Variants in KCNA3 observed in about 807,000 individuals in gnomAD.
KCNA3 encodes the protein RP11-284N8.3.
A neutral mutation model predicts 34.3 loss-of-function variants in KCNA3; 18 were observed. The observed-to-expected ratio is 0.52, with a 90% CI of 0.36 to 0.78. The LOEUF is 0.78. Among genes scored for constraint, KCNA3 ranks in the 30% least tolerant of loss-of-function variants. KCNA3 has a pLI of 0.00. For missense variants in KCNA3, 587 were observed against 802.5 expected (o/e 0.73, Z 3.24); for synonymous variants, 324 against 351.7 (o/e 0.92, Z 0.88).
chr1:110,671,418 A>G (rs1442132987), downstream of KCNA3, among the ~76,000 whole-genome samples: 1 of 152,232 alleles, frequency 6.6e-6, no homozygotes, highest in Non-Finnish European at 1.5e-5. Flanking sequence ...CATGAATGAC[A>G]GTTCCCTGGC....
chr1:110,672,444 CTAAT>C (rs1396246409), downstream of KCNA3: 2 of 151,186 alleles, frequency 1.3e-5, no homozygotes, highest in African/African-American at 4.9e-5. Context: ...AAGAATTAAA[CTAAT>C]TAGTCAGATC....
chr1:110,663,624 T>C, the KCNA3 span, among the ~76,000 whole-genome samples: 6 of 152,220 alleles, frequency 3.9e-5, no homozygotes, highest in Non-Finnish European at 7.3e-5. Flanking sequence ...GGTTACAATA[T>C]TACATAAAAT....
chr1:110,668,483 C>T (rs76433980), downstream of KCNA3, among the ~76,000 whole-genome samples: 505 of 152,068 alleles, frequency 3.3e-3, 1 homozygote, highest in African/African-American at 0.012. Flanking sequence ...GTATATTATA[C>T]GCCAAAAAGG....
chr1:110,666,164 G>A, the KCNA3 span, among the ~76,000 whole-genome samples: 1 of 152,076 alleles, frequency 6.6e-6, no homozygotes, highest in East Asian at 1.9e-4. Context: ...TAAAATCACT[G>A]GTACTTTATC....
chr1:110,661,755 A>G, the KCNA3 span, among the ~76,000 whole-genome samples: 2 of 152,158 alleles, frequency 1.3e-5, no homozygotes, highest in Non-Finnish European at 2.9e-5. Flanking sequence ...CTAATAAAGT[A>G]TAGGTGTGGA....
downstream of KCNA3, among the ~76,000 whole-genome samples, chr1:110,671,082 C>T (rs1355384903): frequency 1.3e-5 from 2 of 152,148 alleles, no homozygotes; most frequent in Non-Finnish European, 2.9e-5. Flanking sequence ...TGTACCACTG[C>T]ATACTATTAA....
rs1167785292 is a variant in KCNA3 at position 110,673,748 on chromosome 1, T to C, written c.1062A>G (p.Gly354=). The stretch of plus-strand genomic sequence containing the variant: ...GGATGGCCAGAGACATGGCCTGCTG[T>C]CCATTGCCCTGTCGTTCGGCCAGCT... The part of the protein sequence containing the change: ...GTELAERQGN[G]QQAMSLAILR... The change falls in exon 1 of 1, where the codon GGA becomes GGG. Residue 354 remains glycine, a synonymous_variant. Transcript: ENST00000369769. This position sits in a 1 kb window ranked among gnomAD's most constrained non-coding sequence, Gnocchi z 8.8. 3.1e-6 allele frequency: 5 copies of C among 1,614,114 alleles called. No homozygotes were observed. In the South Asian group the frequency reaches 4.4e-5, roughly 14 times the overall value.
chr1:110,654,513 T>A, the KCNA3 span: 1 of 152,158 alleles, frequency 6.6e-6, no homozygotes, highest in Non-Finnish European at 1.5e-5. Context: ...AGATTAGAAA[T>A]GTCAGTCAAG....
chr1:110,655,900 T>C, the KCNA3 span: 1 of 152,172 alleles, frequency 6.6e-6, no homozygotes, highest in African/African-American at 2.4e-5. Flanking sequence ...GCAAAAGCTA[T>C]AACCCTTCTT....
downstream of KCNA3, among the ~76,000 whole-genome samples, chr1:110,672,295 T>C (rs532581752): frequency 1.3e-5 from 2 of 152,334 alleles, no homozygotes; most frequent in South Asian, 4.1e-4. Context: ...CTCAGATGCA[T>C]TAGGAAATTT....
At chr1:110,663,114 T>C in the KCNA3 span, among the ~76,000 whole-genome samples, 1 of 152,160 alleles carries the variant, frequency 6.6e-6, no homozygotes, top group Non-Finnish European at 1.5e-5. Flanking sequence ...TAATGGCACA[T>C]AAGGCTGCCT....
At position 110,674,901 on chromosome 1, in the gene KCNA3, C is replaced by A. The variant is rs1409304509; in HGVS notation, c.-92G>T. 2.4e-6 allele frequency: 3 copies of A among 1,265,872 alleles called. No homozygotes were observed. The highest frequency in any genetic ancestry group is 2.0e-6 in the Non-Finnish European group (2 of 1,007,910). The allele number at this position is 1,265,872 out of a possible 1,614,324, so 78.4% of individuals were successfully genotyped here. On this transcript the variant is annotated 5_prime_UTR_variant, in exon 1 of 1. Coordinates refer to ENST00000369769, the MANE Select transcript of KCNA3 (RefSeq NM_002232.5). The surrounding 1 kb of genome is among the most constrained non-coding windows in gnomAD (Gnocchi z 6.4). ...GCCTCCGCCCCCGAGCCGAGCCCACCGCCTGTTGCAGCCAAAGCCGCGATG... is the reference window on the plus strand; with the variant it reads ...GCCTCCGCCCCCGAGCCGAGCCCACAGCCTGTTGCAGCCAAAGCCGCGATG...
At chr1:110,658,110 G>T in the KCNA3 span, among the ~76,000 whole-genome samples, 1 of 152,202 alleles carries the variant, frequency 6.6e-6, no homozygotes, top group East Asian at 1.9e-4. Context: ...CCAGCAGATT[G>T]TGAGACATTC....
Position 110,674,552 on chromosome 1 carries a change from G to A in KCNA3, c.258C>T (p.Tyr86=), listed in dbSNP as rs1407962037. The change falls in exon 1 of 1, where the codon TAC becomes TAT. Residue 86 remains tyrosine (Y), a synonymous_variant. Coordinates refer to ENST00000369769, the MANE Select transcript of KCNA3 (RefSeq NM_002232.5). This position sits in a 1 kb window ranked among gnomAD's most constrained non-coding sequence, Gnocchi z 6.4. ...CCGGCAGTGAGGGCGGCAGCGGCTC[G>A]TAGCGGTCGCAGCCGCCGCCGCCAC... The part of the protein sequence containing the change: ...GGCGGGGCDR[Y]EPLPPSLPAA... The A allele has an allele frequency of 7.6e-6, 12 of 1,582,274 alleles. No individual in the cohort carries two copies. The highest frequency in any genetic ancestry group is 1.1e-5 in the South Asian group (1 of 88,436).
chr1:110,666,714 T>C, the KCNA3 span, among the ~76,000 whole-genome samples: 4 of 152,122 alleles, frequency 2.6e-5, no homozygotes, highest in African/African-American at 9.7e-5. Flanking sequence ...TAATGTAGGA[T>C]AGAGATGACA....
In KCNA3 at chr1:110,674,473, G is replaced by C. The variant is rs372789364; in HGVS notation, c.337C>G (p.Leu113Val). The change falls in exon 1 of 1, where the codon CTG becomes GTG. Residue 113 changes from leucine to valine, a missense_variant. This residue lies in a region of KCNA3 where 341 missense variants were observed against 355.4 expected (regional missense o/e 0.96). Coordinates refer to ENST00000369769, the MANE Select transcript of KCNA3 (RefSeq NM_002232.5). The surrounding 1 kb of genome is among the most constrained non-coding windows in gnomAD (Gnocchi z 6.4). The stretch of plus-strand genomic sequence containing the variant: ...GTCTTCAGCTGCGTCTCGAAGCGCA[G>C]CCCGGAGATGTTGATGACCACGCGC... Reference protein sequence around the residue: ...GERVVINISGLRFETQLKTLC... With the variant: ...GERVVINISGVRFETQLKTLC... 105 of 1,613,866 alleles carry C rather than the reference G, an allele frequency of 6.5e-5. No individual in the cohort carries two copies. The highest frequency in any genetic ancestry group is 8.5e-5 in the Non-Finnish European group (100 of 1,179,968).
rs1215694645 is a variant in KCNA3, at chr1:110,674,580, C to G, written c.230G>C (p.Gly77Ala). The change falls in exon 1 of 1, where the codon GGC becomes GCC. Residue 77 changes from glycine (G) to alanine (A), a missense_variant. Gly to Ala is a moderately conservative substitution (Grantham distance 60). Around this residue, in one of 7 missense-constraint regions of KCNA3, gnomAD observed 341 missense variants for 355.4 expected, o/e 0.96. Coordinates refer to ENST00000369769, the MANE Select transcript of KCNA3 (RefSeq NM_002232.5). This position sits in a 1 kb window ranked among gnomAD's most constrained non-coding sequence, Gnocchi z 6.4. ...ADGGGAPPQG[G>A]CGGGGCDRYE... ...GCGGTCGCAGCCGCCGCCGCCACAG[C>G]CGCCTTGAGGCGGGGCCCCTCCACC... is the stretch of plus-strand genomic sequence containing the variant. 1 of 1,573,746 alleles carries G rather than the reference C, an allele frequency of 6.4e-7. No homozygotes were observed. Among genetic ancestry groups the G allele is most frequent in the Non-Finnish European group, 8.6e-7 (1 of 1,162,558 alleles).
At chr1:110,670,376 G>A (rs1251134334), downstream of KCNA3, among the ~76,000 whole-genome samples, 3 of 152,074 alleles carry the variant, frequency 2.0e-5, no homozygotes, top group Non-Finnish European at 4.4e-5. Flanking sequence ...CTGGATTAAA[G>A]AACAAAGGCC....
chr1:110,663,724 A>T, the KCNA3 span, among the ~76,000 whole-genome samples: 1 of 152,150 alleles, frequency 6.6e-6, no homozygotes, highest in Non-Finnish European at 1.5e-5. Context: ...ACCGCTAGGA[A>T]TCTCCCAATA....
Sources: allele counts gnomAD v4.1 joint callset (sites outside exome capture counted in the v4.1 genomes callset), GRCh38; gene constraint gnomAD v4.1.1; regional missense constraint gnomAD v4.1.1; non-coding constraint Gnocchi (gnomAD v3.1); transcripts MANE v1.5; gene names NCBI Gene and HGNC (gene_info 2026-07-23, HGNC 2026-07-21).